The following AK7 variants were observed in gnomAD, a reference collection of about 807,000 sequenced individuals.
AK7 encodes adenylate kinase 7.
A neutral mutation model predicts 96.6 loss-of-function variants in AK7; 78 were observed. That is an observed-to-expected ratio of 0.81 (90% CI 0.67 to 0.97). The LOEUF is 0.97. Ranked by LOEUF, AK7 falls within the 50% of genes least tolerant of loss-of-function variation. AK7 has a pLI of 0.00. For missense variants in AK7, 855 were observed against 887.9 expected (o/e 0.96, Z 0.47); for synonymous variants, 302 against 317.2 (o/e 0.95, Z 0.51).
Position 96,442,792 on chromosome 14 carries a change from A to C in AK7, c.753A>C (p.Pro251=). The C allele has an allele frequency of 2.5e-6, 4 of 1,614,168 alleles. No homozygotes were observed. Among genetic ancestry groups the C allele is most frequent in the Non-Finnish European group, 3.4e-6 (4 of 1,179,976 alleles). The part of the protein sequence containing the change: ...PVFGDGTNVI[P]TIHVLDLAGV... ...TTGGCGATGGAACAAATGTAATTCC[A>C]ACAATCCATGTTCTTGATCTAGCAG... Residue 251 remains proline (P), a synonymous_variant, in exon 7 of 18, where the codon CCA becomes CCC. Coordinates refer to ENST00000267584, the MANE Select transcript of AK7 (RefSeq NM_152327.5).
At chr14:96,442,168 A>T (rs1478346628) in intron 6 of AK7, among the ~76,000 whole-genome samples, 6 of 152,198 alleles carry the variant, frequency 3.9e-5, no homozygotes, top group African/African-American at 1.4e-4. Context: ...AGAAAAGATG[A>T]GGATTTGGAC....
At chr14:96,472,618 G>T in intron 13 of AK7, 69 bp from the exon 14 acceptor site, 1 of 1,270,836 alleles carries the variant, frequency 7.9e-7, no homozygotes. Flanking sequence ...AAGATATTTG[G>T]AATTTTTTGC....
chr14:96,393,448 A>T (rs1566752089), intron 1 of AK7, among the ~76,000 whole-genome samples: 2 of 152,224 alleles, frequency 1.3e-5, no homozygotes, highest in Non-Finnish European at 2.9e-5. Flanking sequence ...TGAGGGCAGA[A>T]GTCCAAGATC....
chr14:96,450,768 C>CTTTTT (rs937558741), intron 9 of AK7, among the ~76,000 whole-genome samples: 22 of 93,170 alleles, frequency 2.4e-4, no homozygotes, highest in Non-Finnish European at 3.2e-4. Flanking sequence ...ATATTTTTCT[C>CTTTTT]TTTTTTTTTT....
intron 1 of AK7, among the ~76,000 whole-genome samples, chr14:96,397,023 G>A (rs2139974878): frequency 6.6e-6 from 1 of 152,228 alleles, no homozygotes. Context: ...GTTGAGGCCA[G>A]GAGTTTGAGG....
intron 10 of AK7, among the ~76,000 whole-genome samples, chr14:96,453,412 G>A (rs1893718456): frequency 1.3e-5 from 2 of 152,332 alleles, no homozygotes; most frequent in South Asian, 4.1e-4. Flanking sequence ...GGGTATGTCT[G>A]TCCCTAGGGG....
At chr14:96,447,080 T>TGA (rs1163697336) in intron 8 of AK7, among the ~76,000 whole-genome samples, 3 of 152,228 alleles carry the variant, frequency 2.0e-5, no homozygotes, top group Admixed American at 2.0e-4. Context: ...GTATATACTT[T>TGA]GAGGTTACTA....
intron 2 of AK7, among the ~76,000 whole-genome samples, chr14:96,400,030 C>CTTTT (rs34001068): frequency 6.9e-5 from 6 of 86,346 alleles, no homozygotes; most frequent in Admixed American, 1.4e-4. Flanking sequence ...CAAAAACAAT[C>CTTTT]TTTTTTTTTT....
intron 2 of AK7, 53 bp downstream of exon 2, chr14:96,398,316 G>T (rs527666689): frequency 1.5e-5 from 24 of 1,574,408 alleles, no homozygotes; most frequent in Non-Finnish European, 1.9e-5. Context: ...GTCACCTTCC[G>T]CTCCAACGCC....
chr14:96,406,359 C>A (rs183082035), intron 3 of AK7, among the ~76,000 whole-genome samples: 5 of 152,308 alleles, frequency 3.3e-5, no homozygotes, highest in East Asian at 3.9e-4. Context: ...GGAAATGTAA[C>A]CTTTTCTCAA....
chr14:96,400,255 G>T (rs1334644468), intron 2 of AK7, among the ~76,000 whole-genome samples: 5 of 151,968 alleles, frequency 3.3e-5, no homozygotes, highest in African/African-American at 9.7e-5. Flanking sequence ...GTCCAGGCTG[G>T]TCTTGAACTT....
intron 2 of AK7, among the ~76,000 whole-genome samples, chr14:96,403,477 A>G (rs1890532980): frequency 6.6e-6 from 1 of 152,180 alleles, no homozygotes; most frequent in Non-Finnish European, 1.5e-5. Flanking sequence ...AGCCCTAGAA[A>G]ACTAATGCAG....
At chr14:96,486,637 C>CTTT (rs373214244) in intron 16 of AK7, among the ~76,000 whole-genome samples, 7 of 136,932 alleles carry the variant, frequency 5.1e-5, no homozygotes, top group African/African-American at 1.3e-4. Flanking sequence ...AGTGGCATTT[C>CTTT]TTTTTTTTTT....
At chr14:96,402,397 A>G (rs1003113883) in intron 2 of AK7, among the ~76,000 whole-genome samples, 3 of 152,212 alleles carry the variant, frequency 2.0e-5, no homozygotes, top group African/African-American at 7.2e-5. Flanking sequence ...AAATAGAGCC[A>G]ACCATAATTT....
chr14:96,479,965 G>A (rs1895422152), intron 15 of AK7, among the ~76,000 whole-genome samples: 1 of 152,134 alleles, frequency 6.6e-6, no homozygotes, highest in Non-Finnish European at 1.5e-5. Context: ...AATTCCAATT[G>A]TGGCTGGGCC....
intron 6 of AK7, among the ~76,000 whole-genome samples, chr14:96,440,804 A>G (rs1290657573): frequency 6.6e-6 from 1 of 152,194 alleles, no homozygotes; most frequent in Non-Finnish European, 1.5e-5. Context: ...GATGACTTTG[A>G]GTGCTTCAAT....
intron 14 of AK7, 82 bp from the exon 15 acceptor site, chr14:96,478,383 C>G: frequency 7.0e-7 from 1 of 1,426,106 alleles, no homozygotes; most frequent in Non-Finnish European, 9.8e-7. Flanking sequence ...TGGCTGGTAA[C>G]CAGGGGGCCA....
chr14:96,424,160 T>C (rs7148355), intron 5 of AK7: 493,634 of 613,498 alleles, frequency 0.8, 199,119 homozygotes, highest in East Asian at 0.96. Context: ...GCTGCGGCTG[T>C]TCGTCCACTT....
chr14:96,414,954 C>T (rs976457883), intron 4 of AK7, among the ~76,000 whole-genome samples: 1 of 151,888 alleles, frequency 6.6e-6, no homozygotes, highest in African/African-American at 2.4e-5. Context: ...AGGGTTTTGC[C>T]ATGTTGCCCA....
Sources: gnomAD v4.1 joint callset for allele counts (sites outside exome capture counted in the v4.1 genomes callset) on GRCh38, gnomAD v4.1.1 for gene constraint, MANE v1.5 for transcripts, NCBI Gene and HGNC (gene_info 2026-07-23, HGNC 2026-07-21) for gene names.